TRPM6: variants seen among roughly 807,000 people sequenced by gnomAD.
The protein encoded by TRPM6 is channel kinase 2.
A neutral mutation model predicts 247.6 loss-of-function variants in TRPM6; 111 were observed. That is an observed-to-expected ratio of 0.45 (90% confidence interval 0.38 to 0.52). The LOEUF is 0.52. TRPM6 is among the 20% of genes least tolerant of loss of function. The pLI is 0.00. For missense variants in TRPM6, 2,126 were observed against 2,421.5 expected (o/e 0.88, Z 2.56); for synonymous variants, 892 against 853.8 (o/e 1.04, Z -0.78).
chr9:74,781,373 T>TA (rs1219767939), intron 23 of TRPM6, among the ~76,000 whole-genome samples: 3 of 151,248 alleles, frequency 2.0e-5, no homozygotes, highest in Admixed American at 6.6e-5. Context: ...CCGTCTCTAC[T>TA]AAAAATACAA....
intron 5 of TRPM6, among the ~76,000 whole-genome samples, chr9:74,837,837 C>A (rs1003090579): frequency 6.6e-6 from 1 of 151,152 alleles, no homozygotes; most frequent in Non-Finnish European, 1.5e-5. Flanking sequence ...GCAGCCTTGA[C>A]CTCCCAGGCT....
At chr9:74,783,392 A>C (rs1208180140) in intron 21 of TRPM6, among the ~76,000 whole-genome samples, 1 of 152,186 alleles carries the variant, frequency 6.6e-6, no homozygotes, top group Non-Finnish European at 1.5e-5. Flanking sequence ...GCTACTCTAC[A>C]TCTCTTAGCT....
intron 1 of TRPM6, chr9:74,887,241 G>T (rs1306656780): frequency 1.0e-5 from 13 of 1,274,702 alleles, no homozygotes; most frequent in Non-Finnish European, 1.1e-5. Context: ...CGTAACCGGC[G>T]CTGTCATCGC....
chr9:74,763,287 T>C (rs1194902167), intron 25 of TRPM6, among the ~76,000 whole-genome samples, 153 bp from the exon 26 acceptor site: 1 of 152,176 alleles, frequency 6.6e-6, no homozygotes, highest in Non-Finnish European at 1.5e-5. Flanking sequence ...GCCCAATACA[T>C]AACTCTCAAC....
rs1200098238 is a variant in TRPM6, at chr9:74,744,157, G to C, written c.5084-12C>G. On this transcript the variant is annotated splice_polypyrimidine_tract_variant and intron_variant, in intron 31 of 38. Coordinates refer to ENST00000360774, the MANE Select transcript of TRPM6 (RefSeq NM_017662.5). ...GGAGGCTGAGATCTCTGAAATTAGA[G>C]AGGAGATTGGCATTTTAATTACATG... 3.7e-6 allele frequency: 6 copies of C among 1,613,568 alleles called. No homozygotes were observed. The highest frequency in any genetic ancestry group is 4.2e-6 in the Non-Finnish European group (5 of 1,179,534).
intron 23 of TRPM6, among the ~76,000 whole-genome samples, chr9:74,778,957 C>A (rs897223243): frequency 2.6e-5 from 4 of 152,160 alleles, no homozygotes; most frequent in Admixed American, 2.6e-4. Flanking sequence ...GAGCATCACA[C>A]CATCCCATCA....
chr9:74,791,425 A>G, intron 19 of TRPM6, among the ~76,000 whole-genome samples: 1 of 152,210 alleles, frequency 6.6e-6, no homozygotes, highest in Non-Finnish European at 1.5e-5. Context: ...TTAAGTATAG[A>G]TAAGCATTAG....
intron 4 of TRPM6, among the ~76,000 whole-genome samples, chr9:74,841,609 A>T (rs1829941644): frequency 6.6e-6 from 1 of 151,786 alleles, no homozygotes; most frequent in African/African-American, 2.4e-5. Flanking sequence ...GGTTCAAGTG[A>T]TTCTCCAGCC....
At chr9:74,887,492 C>T in intron 1 of TRPM6, 2 of 1,092,438 alleles carry the variant, frequency 1.8e-6, no homozygotes, top group African/African-American at 1.6e-5. Context: ...GCTGCCTCCT[C>T]TCCCGGGGTG....
At chr9:74,839,670 T>C (rs1829849476) in intron 5 of TRPM6, among the ~76,000 whole-genome samples, 1 of 151,998 alleles carries the variant, frequency 6.6e-6, no homozygotes, top group Non-Finnish European at 1.5e-5. Flanking sequence ...AATAGTATAT[T>C]CTGACAATGG....
chr9:74,768,779 T>C (rs1223074330), intron 25 of TRPM6, among the ~76,000 whole-genome samples: 1 of 152,174 alleles, frequency 6.6e-6, no homozygotes, highest in East Asian at 1.9e-4. Context: ...TGGTTCTTAT[T>C]CTGACCCCCT....
At chr9:74,878,367 G>A (rs899440478) in intron 1 of TRPM6, among the ~76,000 whole-genome samples, 1 of 152,054 alleles carries the variant, frequency 6.6e-6, no homozygotes. Context: ...GCCACCCAAG[G>A]GCCCAAAGAC....
intron 26 of TRPM6, 25 bp from the exon 27 acceptor site, chr9:74,761,833 A>G: frequency 6.4e-7 from 1 of 1,568,086 alleles, no homozygotes; most frequent in Non-Finnish European, 8.8e-7. Flanking sequence ...TCTACATGAG[A>G]AAGTTGACAA....
Position 74,771,762 on chromosome 9 carries a change from A to G in TRPM6, c.3477T>C (p.His1159=). 1 of 1,611,478 alleles carries G rather than the reference A, an allele frequency of 6.2e-7. No individual in the cohort carries two copies. Among genetic ancestry groups the G allele is most frequent in the African/African-American group, 1.3e-5 (1 of 74,944 alleles). ...FEEQCVEKYF[H]EKMEDVNCSC... is the part of the protein sequence containing the mutation. ...TACAATTCACATCTTCCATCTTCTC[A>G]TGGAAGTATTTTTCCACGCACTGCT... Residue 1159 remains histidine, a synonymous_variant, in exon 25 of 39, where the codon CAT becomes CAC. Coordinates refer to ENST00000360774, the MANE Select transcript of TRPM6 (RefSeq NM_017662.5).
chr9:74,762,378 A>G lies in TRPM6; in HGVS notation c.4293T>C (p.Pro1431=). ...GAGGGGAGCTCATTGTCATGGGTTC[A>G]GGTGTGCAACTCAAAGTGGGTAGCA... ...EQVLPTLSCT[P]EPMTMSSPLS... The change falls in exon 26 of 39, where the codon CCT becomes CCC. Residue 1431 remains proline, a synonymous_variant. Transcript: ENST00000360774. The G allele has an allele frequency of 1.2e-6, 2 of 1,614,228 alleles. No homozygotes were observed. The highest frequency in any genetic ancestry group is 1.3e-5 in the African/African-American group (1 of 75,060).
At chr9:74,845,915 G>A (rs1830093974) in intron 3 of TRPM6, among the ~76,000 whole-genome samples, 1 of 152,072 alleles carries the variant, frequency 6.6e-6, no homozygotes, top group African/African-American at 2.4e-5. Context: ...AAATGTAGAG[G>A]GAAAGAGTTA....
At chr9:74,885,588 A>G (rs1043198402) in intron 1 of TRPM6, among the ~76,000 whole-genome samples, 1 of 152,254 alleles carries the variant, frequency 6.6e-6, no homozygotes, top group Admixed American at 6.5e-5. Context: ...GACTCACATC[A>G]TAATATCTTA....
At chr9:74,837,160 G>A (rs1829750880) in intron 5 of TRPM6, among the ~76,000 whole-genome samples, 1 of 152,226 alleles carries the variant, frequency 6.6e-6, no homozygotes, top group East Asian at 1.9e-4. Flanking sequence ...TTAAGTAAAT[G>A]TCAAAGATTC....
chr9:74,805,909 T>G (rs2119018502), intron 14 of TRPM6, among the ~76,000 whole-genome samples: 1 of 152,328 alleles, frequency 6.6e-6, no homozygotes, highest in Middle Eastern at 3.4e-3. Context: ...ACTGCTTAAA[T>G]TGAAACCCTC....
Sources: allele counts gnomAD v4.1 joint callset (sites outside exome capture counted in the v4.1 genomes callset), GRCh38; gene constraint gnomAD v4.1.1; transcripts MANE v1.5; gene names NCBI Gene and HGNC (gene_info 2026-07-23, HGNC 2026-07-21).